The following SDK1 variants were observed in gnomAD, a reference collection of about 807,000 sequenced individuals.
SDK1 encodes protein sidekick-1.
In SDK1, 157 loss-of-function variants were observed where a neutral mutation model predicts 245.5. The ratio of observed to expected loss-of-function variants is 0.64; its 90% confidence interval spans 0.56 to 0.73. The LOEUF is 0.73. SDK1 is among the 30% of genes least tolerant of loss of function. SDK1 has a pLI of 0.00. For missense variants in SDK1, 3,583 were observed against 3,002.3 expected (o/e 1.19, Z -4.52); for synonymous variants, 1,647 against 1,278.5 (o/e 1.29, Z -6.15).
chr7:4,130,713 G>A (rs1784753438), intron 27 of SDK1, among the ~76,000 whole-genome samples: 1 of 152,140 alleles, frequency 6.6e-6, no homozygotes. Context: ...TAAATCATCG[G>A]TAAATATGTT....
In SDK1 at chr7:4,158,105, C is replaced by T. The variant is rs546748928; in HGVS notation, c.4626-343C>T. ...CAGTGAGGGGTTGGCACTGCCTCCC[C>T]GAGGAGCCCTGAGCAGAATCTTCCC... On this transcript the variant is annotated intron_variant, in intron 30 of 44. Coordinates refer to ENST00000404826, the MANE Select transcript of SDK1 (RefSeq NM_152744.4). Among the ~76,000 whole-genome samples the T allele has an allele frequency of 1.7e-4, 26 of 152,298 alleles. No individual in the cohort carries two copies. In the Middle Eastern group the frequency reaches 0.014, roughly 80 times the overall value.
chr7:3,920,215 A>C (rs754849514), intron 5 of SDK1, among the ~76,000 whole-genome samples: 4 of 152,182 alleles, frequency 2.6e-5, no homozygotes, highest in Non-Finnish European at 5.9e-5. Context: ...TCTGGGCTTC[A>C]TGCTGTGGGT....
chr7:3,981,666 G>T (rs914138563), intron 13 of SDK1, among the ~76,000 whole-genome samples: 2 of 152,150 alleles, frequency 1.3e-5, no homozygotes, highest in African/African-American at 4.8e-5. Flanking sequence ...GGTCTGGAGA[G>T]AAAAATCAAA....
At chr7:3,824,190 A>G (rs573132451) in intron 5 of SDK1, among the ~76,000 whole-genome samples, 2 of 152,240 alleles carry the variant, frequency 1.3e-5, no homozygotes, top group East Asian at 1.9e-4. Flanking sequence ...GAAATTAGAT[A>G]TTCTCAAGAC....
At chr7:4,235,685 C>T (rs952940017) in intron 41 of SDK1, among the ~76,000 whole-genome samples, 6 of 152,300 alleles carry the variant, frequency 3.9e-5, no homozygotes, top group South Asian at 4.1e-4. Context: ...GTTCCTCATG[C>T]GGAACGTGCA....
At chr7:4,082,154 T>C (rs1471453343) in intron 22 of SDK1, among the ~76,000 whole-genome samples, 3 of 152,094 alleles carry the variant, frequency 2.0e-5, no homozygotes, top group African/African-American at 7.2e-5. Context: ...GGAGGGGGCG[T>C]CTGGAATGGC....
intron 4 of SDK1, among the ~76,000 whole-genome samples, chr7:3,774,389 T>A (rs1780490588): frequency 6.6e-6 from 1 of 152,254 alleles, no homozygotes; most frequent in Non-Finnish European, 1.5e-5. Context: ...ATGTCTTGTG[T>A]TTGGAGGACA....
At chr7:4,177,118 C>T (rs1782263743) in intron 34 of SDK1, among the ~76,000 whole-genome samples, 1 of 152,232 alleles carries the variant, frequency 6.6e-6, no homozygotes, top group African/African-American at 2.4e-5. Context: ...ACAGCTCCAA[C>T]ATGTTGAGAT....
chr7:3,858,185 G>C (rs1023403319), intron 5 of SDK1, among the ~76,000 whole-genome samples: 2 of 152,150 alleles, frequency 1.3e-5, no homozygotes, highest in Admixed American at 6.5e-5. Flanking sequence ...ACACCTCCAA[G>C]ATACGTTTTT....
chr7:3,592,097 G>C (rs952868607), intron 1 of SDK1, among the ~76,000 whole-genome samples: 2 of 152,216 alleles, frequency 1.3e-5, no homozygotes, highest in African/African-American at 4.8e-5. Context: ...GGAAGTAATG[G>C]AGGAAGTATT....
At chr7:4,075,124 G>A (rs901758545) in intron 20 of SDK1, among the ~76,000 whole-genome samples, 19 of 151,548 alleles carry the variant, frequency 1.3e-4, no homozygotes, top group Non-Finnish European at 2.6e-4. Context: ...AAGGCAGGCA[G>A]GCAGCACCAC....
At chr7:3,678,238 A>G (rs1481099684) in intron 4 of SDK1, among the ~76,000 whole-genome samples, 1 of 152,244 alleles carries the variant, frequency 6.6e-6, no homozygotes, top group African/African-American at 2.4e-5. Context: ...AGAAAGTTAA[A>G]AATACAATTA....
At chr7:3,795,300 G>A (rs775984259) in intron 4 of SDK1, among the ~76,000 whole-genome samples, 1 of 152,086 alleles carries the variant, frequency 6.6e-6, no homozygotes, top group South Asian at 2.1e-4. Context: ...AGGGTGTCTT[G>A]TAAATTAATG....
intron 1 of SDK1, among the ~76,000 whole-genome samples, chr7:3,613,716 G>C (rs1781676393): frequency 6.6e-6 from 1 of 152,122 alleles, no homozygotes. Context: ...CAATGACATG[G>C]AATCAACCCA....
intron 1 of SDK1, among the ~76,000 whole-genome samples, chr7:3,595,260 C>G (rs971355389): frequency 4.6e-5 from 7 of 151,822 alleles, no homozygotes; most frequent in African/African-American, 1.7e-4. Flanking sequence ...CATTTATATA[C>G]TTCTACCCTA....
At position 3,596,246 on chromosome 7, in the gene SDK1, G is replaced by A. The variant is rs76189891; in HGVS notation, c.299-22834G>A. Reference sequence around the variant, plus strand: ...GCTCTTCCATCTGGCTGGGTTGCATGAGAGTTAAACAGTAATAGGAGAAAT... The same window carrying A: ...GCTCTTCCATCTGGCTGGGTTGCATAAGAGTTAAACAGTAATAGGAGAAAT... On this transcript the variant is annotated intron_variant, in intron 1 of 44. Transcript: ENST00000404826. Among the ~76,000 whole-genome samples, 5 of 152,258 alleles carry A rather than the reference G, an allele frequency of 3.3e-5. No individual in the cohort carries two copies. In the East Asian group the frequency reaches 9.7e-4, roughly 29 times the overall value.
chr7:3,995,444 C>A (rs542807756), intron 14 of SDK1, among the ~76,000 whole-genome samples: 3 of 151,732 alleles, frequency 2.0e-5, no homozygotes, highest in Non-Finnish European at 2.9e-5. Flanking sequence ...CCTCTACTTG[C>A]GTTGTCCCCA....
intron 4 of SDK1, among the ~76,000 whole-genome samples, chr7:3,659,915 C>T (rs188226447): frequency 2.6e-5 from 4 of 152,194 alleles, no homozygotes; most frequent in Admixed American, 1.3e-4. Context: ...AAGCTTCTTG[C>T]TTCTGATTAG....
At chr7:4,243,071 A>G (rs1192500587) in intron 43 of SDK1, among the ~76,000 whole-genome samples, 1 of 152,230 alleles carries the variant, frequency 6.6e-6, no homozygotes, top group Non-Finnish European at 1.5e-5. Context: ...GCCGTGTAAT[A>G]GAAACATGAA....
Sources: gnomAD v4.1 joint callset for allele counts (sites outside exome capture counted in the v4.1 genomes callset) on GRCh38, gnomAD v4.1.1 for gene constraint, MANE v1.5 for transcripts, NCBI Gene and HGNC (gene_info 2026-07-23, HGNC 2026-07-21) for gene names.